The following IQGAP2 variants were observed in gnomAD, a reference collection of about 807,000 sequenced individuals.
IQGAP2 encodes IQ motif containing GTPase activating protein 2.
A neutral mutation model predicts 201.3 loss-of-function variants in IQGAP2; 173 were observed. That is an observed-to-expected ratio of 0.86 (90% CI 0.76 to 0.98). The LOEUF (loss-of-function observed/expected upper bound fraction) is 0.98, where lower values mean the gene tolerates loss of function less well. Among genes scored for constraint, IQGAP2 ranks in the 50% least tolerant of loss-of-function variants. IQGAP2 has a pLI of 0.00. For synonymous variants in IQGAP2, 675 were observed against 673.9 expected (o/e 1.00, Z -0.03); for missense variants, 1,687 against 1,864.8 (o/e 0.90, Z 1.76).
At chr5:76,560,041 ATCTTTCTTAATTG>A (rs1490428041) in intron 2 of IQGAP2, among the ~76,000 whole-genome samples, 1 of 152,156 alleles carries the variant, frequency 6.6e-6, no homozygotes, top group East Asian at 1.9e-4. Flanking sequence ...GTTTATGTTA[ATCTTTCTTAATTG>A]TATGTATAGC....
At chr5:76,612,706 G>C (rs1401324116) in intron 13 of IQGAP2, among the ~76,000 whole-genome samples, 1 of 151,804 alleles carries the variant, frequency 6.6e-6, no homozygotes, top group Non-Finnish European at 1.5e-5. Context: ...AAATCATGCT[G>C]TGATGTGCAC....
At chr5:76,631,299 T>C (rs188331713) in intron 14 of IQGAP2, among the ~76,000 whole-genome samples, 16 of 152,238 alleles carry the variant, frequency 1.1e-4, no homozygotes, top group African/African-American at 3.6e-4. Flanking sequence ...TGGGATAAAA[T>C]GCTTGTTAGG....
chr5:76,699,114 A>G (rs1747022065), intron 33 of IQGAP2, among the ~76,000 whole-genome samples: 1 of 152,070 alleles, frequency 6.6e-6, no homozygotes, highest in Non-Finnish European at 1.5e-5. Context: ...TTTGACCATC[A>G]TCTCCCCGTT....
intron 28 of IQGAP2, among the ~76,000 whole-genome samples, chr5:76,679,465 G>A (rs766148972): frequency 1.3e-5 from 2 of 152,190 alleles, no homozygotes; most frequent in Admixed American, 6.5e-5. Flanking sequence ...GGAGGCGTCC[G>A]TGTGCAGACA....
intron 10 of IQGAP2, among the ~76,000 whole-genome samples, chr5:76,600,428 G>A (rs768448818): frequency 6.6e-6 from 1 of 152,128 alleles, no homozygotes; most frequent in African/African-American, 2.4e-5. Flanking sequence ...ACTGGAAATC[G>A]TTAGCTGTGC....
chr5:76,459,664 A>C (rs1754313481), intron 1 of IQGAP2, among the ~76,000 whole-genome samples: 1 of 152,020 alleles, frequency 6.6e-6, no homozygotes, highest in African/African-American at 2.4e-5. Flanking sequence ...TTTGAGACAG[A>C]GTCTCATACT....
rs1021912216 is a variant in IQGAP2 at position 76,403,949 on chromosome 5, G to C, written c.46+358G>C. 6.6e-6 allele frequency among the ~76,000 whole-genome samples: 1 copy of C among 152,188 alleles called. No homozygotes were observed. Among genetic ancestry groups the C allele is most frequent in the African/African-American group, 2.4e-5 (1 of 41,444 alleles). ...GGGTCGCCGCCGGCTTGGGCCAGGG[G>C]GTGGCGTAAGGCACCGGATTCTTCC... On this transcript the variant is annotated intron_variant, in intron 1 of 35. Coordinates refer to ENST00000274364, the MANE Select transcript of IQGAP2 (RefSeq NM_006633.5). The surrounding 1 kb of genome is among the most constrained non-coding windows in gnomAD (Gnocchi z 4.8).
intron 4 of IQGAP2, among the ~76,000 whole-genome samples, chr5:76,575,228 G>A (rs1745390626): frequency 6.6e-6 from 1 of 151,988 alleles, no homozygotes; most frequent in Non-Finnish European, 1.5e-5. Flanking sequence ...TTTTAAATGT[G>A]TGTGTGTGTG....
intron 35 of IQGAP2, among the ~76,000 whole-genome samples, chr5:76,705,543 T>A (rs542141158): frequency 6.6e-5 from 10 of 152,368 alleles, no homozygotes; most frequent in African/African-American, 2.4e-4. Flanking sequence ...TTGGTTTAAT[T>A]CTTTTCCACT....
At chr5:76,537,508 G>A (rs1159742035) in intron 2 of IQGAP2, among the ~76,000 whole-genome samples, 1 of 149,124 alleles carries the variant, frequency 6.7e-6, no homozygotes, top group African/African-American at 2.5e-5. Flanking sequence ...TTTTTCAATA[G>A]TGCTTTTGTC....
At chr5:76,431,621 G>A (rs1752371049) in intron 1 of IQGAP2, among the ~76,000 whole-genome samples, 3 of 152,050 alleles carry the variant, frequency 2.0e-5, no homozygotes, top group African/African-American at 7.2e-5. Flanking sequence ...TCAAGAGATT[G>A]AGACCATCCT....
chr5:76,435,951 T>C (rs1752624736), intron 1 of IQGAP2, among the ~76,000 whole-genome samples: 1 of 148,566 alleles, frequency 6.7e-6, no homozygotes, highest in African/African-American at 2.6e-5. Flanking sequence ...TTTGTTTGTT[T>C]GTTTTTTGTT....
intron 1 of IQGAP2, among the ~76,000 whole-genome samples, chr5:76,429,260 T>C (rs753081795): frequency 2.0e-5 from 3 of 151,838 alleles, no homozygotes; most frequent in Non-Finnish European, 4.4e-5. Flanking sequence ...TTTATTCCTG[T>C]TTTTCTCTTT....
At chr5:76,555,173 A>G (rs1299070250) in intron 2 of IQGAP2, among the ~76,000 whole-genome samples, 1 of 152,194 alleles carries the variant, frequency 6.6e-6, no homozygotes, top group Non-Finnish European at 1.5e-5. Flanking sequence ...TTATGGATAT[A>G]AGGTTTCTTT....
chr5:76,642,824 A>G (rs559239474), intron 17 of IQGAP2, among the ~76,000 whole-genome samples: 223 of 152,344 alleles, frequency 1.5e-3, no homozygotes, highest in African/African-American at 5.1e-3. Context: ...CCTCCCTGCC[A>G]TCAGTGGTCT....
rs545549597 is a variant in IQGAP2, at chr5:76,619,692, A to AT, written c.1522-7711dup. ...CCACCAGGCCTGGCTAATTTTTTGT[A>AT]TTTTTTTAGTAGAGACAGGGTTTCA... On this transcript the variant is annotated intron_variant, in intron 13 of 35. Transcript: ENST00000274364. Among the ~76,000 whole-genome samples the AT allele has an allele frequency of 1.7e-3, 251 of 151,616 alleles. 1 individual carries two copies. Among genetic ancestry groups the AT allele is most frequent in the African/African-American group, 5.8e-3 (240 of 41,354 alleles).
At position 76,686,345 on chromosome 5, in the gene IQGAP2, TG is replaced by T. The variant is rs1181608680; in HGVS notation, c.3905+2429del. Among the ~76,000 whole-genome samples the T allele has an allele frequency of 3.7e-3, 558 of 149,466 alleles. 5 individuals carry two copies. Among genetic ancestry groups the T allele is most frequent in the African/African-American group, 0.012 (477 of 40,710 alleles). On this transcript the variant is annotated intron_variant, in intron 30 of 35. Coordinates refer to ENST00000274364, the MANE Select transcript of IQGAP2 (RefSeq NM_006633.5). Reference sequence around the variant, plus strand: ...AGTCCAGTTTATCTGTTTTTTTTGTTGTTGTTGTTGTTGTTGTTGTTGTTAC... The same window carrying T: ...AGTCCAGTTTATCTGTTTTTTTTGTTTTGTTGTTGTTGTTGTTGTTGTTAC...
At chr5:76,595,672 G>A (rs953759850) in intron 9 of IQGAP2, among the ~76,000 whole-genome samples, 1 of 151,804 alleles carries the variant, frequency 6.6e-6, no homozygotes, top group Admixed American at 6.6e-5. Context: ...GAGGTCGGAG[G>A]ATCTCCAGAG....
At chr5:76,662,733 A>G (rs527710330) in intron 21 of IQGAP2, among the ~76,000 whole-genome samples, 6 of 152,352 alleles carry the variant, frequency 3.9e-5, no homozygotes, top group African/African-American at 1.2e-4. Context: ...CCGCCTGCCT[A>G]GATTCCCCCT....
Sources: gnomAD v4.1 joint callset for allele counts (sites outside exome capture counted in the v4.1 genomes callset) on GRCh38, gnomAD v4.1.1 for gene constraint, Gnocchi (gnomAD v3.1) non-coding constraint, MANE v1.5 for transcripts, NCBI Gene and HGNC (gene_info 2026-07-23, HGNC 2026-07-21) for gene names.